The following VWC2L variants were observed in gnomAD, a reference collection of about 807,000 sequenced individuals.
The protein encoded by VWC2L is von Willebrand factor C domain containing 2 like, also known as von Willebrand factor C domain-containing protein 2-like.
Under a neutral mutation model 21.6 loss-of-function variants are expected in VWC2L, and 10 were observed. The observed-to-expected ratio is 0.46, with a 90% CI of 0.29 to 0.78. The LOEUF is 0.78. Among genes scored for constraint, VWC2L ranks in the 30% least tolerant of loss-of-function variants. The probability of loss-of-function intolerance (pLI) is 0.10; values close to 1 mark genes in which losing one functional copy is unlikely to be tolerated. For missense variants in VWC2L, 209 were observed against 277.1 expected (o/e 0.75, Z 1.74); for synonymous variants, 96 against 94.3 (o/e 1.02, Z -0.10).
At chr2:214,541,912 G>GGTT (rs112567096) in intron 3 of VWC2L, among the ~76,000 whole-genome samples, 2 of 148,234 alleles carry the variant, frequency 1.3e-5, no homozygotes, top group Non-Finnish European at 1.5e-5. Context: ...ACTGTTTACT[G>GGTT]TTTTTTTTTT....
rs371305219 is a variant in VWC2L, at chr2:214,485,162, C to CA, written c.520+48412dup. 4.9e-4 allele frequency among the ~76,000 whole-genome samples: 74 copies of CA among 151,672 alleles called. 1 individual carries two copies. Among genetic ancestry groups the CA allele is most frequent in the Middle Eastern group, 6.8e-3 (2 of 294 alleles). On this transcript the variant is annotated intron_variant, in intron 3 of 3. Coordinates refer to ENST00000312504, the MANE Select transcript of VWC2L (RefSeq NM_001080500.4). ...TGAAACCCCATCTCTACTAAAAATA[C>CA]AAAAAAAATTAGCTGGGCATGGTGG...
At chr2:214,498,635 CTATATG>C (rs1185039333) in intron 3 of VWC2L, among the ~76,000 whole-genome samples, 1 of 149,536 alleles carries the variant, frequency 6.7e-6, no homozygotes, top group Non-Finnish European at 1.5e-5. Flanking sequence ...AGTTATATCT[CTATATG>C]TATATTTATA....
chr2:214,423,073 GT>G (rs1038690420), intron 2 of VWC2L, among the ~76,000 whole-genome samples: 1 of 151,614 alleles, frequency 6.6e-6, no homozygotes, highest in Admixed American at 6.6e-5. Context: ...AGCTCAGAAG[GT>G]TTTTTTTAAT....
At chr2:214,453,666 GT>G (rs1180949432) in intron 3 of VWC2L, among the ~76,000 whole-genome samples, 1 of 150,614 alleles carries the variant, frequency 6.6e-6, no homozygotes, top group African/African-American at 2.4e-5. Context: ...CTATTTTGCT[GT>G]TTTCAATGTA....
intron 2 of VWC2L, among the ~76,000 whole-genome samples, chr2:214,420,924 A>G (rs1271194140): frequency 6.6e-6 from 1 of 152,216 alleles, no homozygotes; most frequent in Non-Finnish European, 1.5e-5. Context: ...AAGTTGCTAC[A>G]AAATAACAGT....
chr2:214,421,744 T>A lies in VWC2L; in HGVS notation c.390+7161T>A, dbSNP rs189249806. On this transcript the variant is annotated intron_variant, in intron 2 of 3. Transcript: ENST00000312504. ...AAAAAGAATGACCTGGTAGTCTCCC[T>A]TCCAGATTTTAACTCCAACTGTACA... 2.6e-3 allele frequency among the ~76,000 whole-genome samples: 392 copies of A among 151,938 alleles called. 1 individual carries two copies. The Middle Eastern group carries it at 0.031, about 12-fold the overall frequency.
intron 3 of VWC2L, among the ~76,000 whole-genome samples, chr2:214,451,845 T>G (rs1300135106): frequency 1.3e-5 from 2 of 152,242 alleles, no homozygotes; most frequent in East Asian, 3.8e-4. Flanking sequence ...TGATTTTATT[T>G]AAAAATTTTC....
chr2:214,461,589 A>G (rs996772670), intron 3 of VWC2L, among the ~76,000 whole-genome samples: 2 of 152,120 alleles, frequency 1.3e-5, no homozygotes, highest in Admixed American at 1.3e-4. Context: ...TTGGTGGTAC[A>G]TATGCACACC....
intron 3 of VWC2L, among the ~76,000 whole-genome samples, chr2:214,456,676 C>T (rs1207320190): frequency 6.6e-6 from 1 of 151,948 alleles, no homozygotes; most frequent in Admixed American, 6.6e-5. Context: ...GGAGCTTTTC[C>T]CCTATGATTT....
At chr2:214,506,896 A>G (rs1559311717) in intron 3 of VWC2L, among the ~76,000 whole-genome samples, 1 of 152,086 alleles carries the variant, frequency 6.6e-6, no homozygotes, top group Non-Finnish European at 1.5e-5. Context: ...GTCTAAATAT[A>G]TAGAAAGAAG....
chr2:214,502,512 G>A (rs1688909110), intron 3 of VWC2L, among the ~76,000 whole-genome samples: 1 of 152,188 alleles, frequency 6.6e-6, no homozygotes, highest in African/African-American at 2.4e-5. Context: ...AGAGGTTGCA[G>A]TGAGCCGAGA....
At chr2:214,444,049 CAT>C (rs1293935941) in intron 3 of VWC2L, among the ~76,000 whole-genome samples, 5 of 151,908 alleles carry the variant, frequency 3.3e-5, no homozygotes, top group Admixed American at 6.6e-5. Context: ...TAAAATAACA[CAT>C]ATATGTATTA....
chr2:214,566,480 T>C (rs1394649431), intron 3 of VWC2L, among the ~76,000 whole-genome samples: 1 of 152,170 alleles, frequency 6.6e-6, no homozygotes, highest in African/African-American at 2.4e-5. Flanking sequence ...GTGTGGGAGT[T>C]CAGCAATACT....
chr2:214,441,366 G>A (rs1240801101), intron 3 of VWC2L, among the ~76,000 whole-genome samples: 1 of 151,626 alleles, frequency 6.6e-6, no homozygotes, highest in Non-Finnish European at 1.5e-5. Context: ...AGCAAATAAA[G>A]GAAATTTACA....
chr2:214,574,631 G>A (rs1377485210), intron 3 of VWC2L, among the ~76,000 whole-genome samples: 1 of 152,188 alleles, frequency 6.6e-6, no homozygotes, highest in Non-Finnish European at 1.5e-5. Flanking sequence ...ATAAATCACT[G>A]GTAGACACAA....
At chr2:214,432,013 T>C (rs1041338639) in intron 2 of VWC2L, among the ~76,000 whole-genome samples, 5 of 152,188 alleles carry the variant, frequency 3.3e-5, no homozygotes, top group Non-Finnish European at 5.9e-5. Context: ...GGAACCCAAA[T>C]AGTTATTTCA....
intron 3 of VWC2L, among the ~76,000 whole-genome samples, chr2:214,478,127 C>A (rs1489959648): frequency 1.3e-5 from 2 of 152,222 alleles, no homozygotes; most frequent in Non-Finnish European, 2.9e-5. Context: ...CCTCCAGCTT[C>A]AGTCTGGCAG....
intron 3 of VWC2L, among the ~76,000 whole-genome samples, chr2:214,446,049 C>T (rs537540847): frequency 5.3e-5 from 8 of 152,248 alleles, no homozygotes; most frequent in Non-Finnish European, 8.8e-5. Context: ...TATGAAACTA[C>T]GTGAAAAACC....
chr2:214,434,965 T>C (rs1206660301), intron 2 of VWC2L, among the ~76,000 whole-genome samples: 2 of 152,154 alleles, frequency 1.3e-5, no homozygotes, highest in African/African-American at 2.4e-5. Context: ...GGCTTCCTTT[T>C]TCCCCCATAC....
Sources: allele counts gnomAD v4.1 joint callset (sites outside exome capture counted in the v4.1 genomes callset), GRCh38; gene constraint gnomAD v4.1.1; transcripts MANE v1.5; gene names NCBI Gene and HGNC (gene_info 2026-07-23, HGNC 2026-07-21).